Variants in CTNNA3 observed in about 807,000 individuals in gnomAD.
The protein encoded by CTNNA3 is catenin alpha 3, also known as catenin alpha-3.
Under a neutral mutation model 95.7 loss-of-function variants are expected in CTNNA3, and 76 were observed. The ratio of observed to expected loss-of-function variants is 0.79; its 90% CI spans 0.66 to 0.96. The LOEUF (loss-of-function observed/expected upper bound fraction) is 0.96, where lower values mean the gene tolerates loss of function less well. Among genes scored for constraint, CTNNA3 ranks in the 40% least tolerant of loss-of-function variants. CTNNA3 has a pLI of 0.00. For synonymous variants in CTNNA3, 431 were observed against 374.4 expected (o/e 1.15, Z -1.74); for missense variants, 1,191 against 1,089.8 (o/e 1.09, Z -1.31).
intron 1 of CTNNA3, among the ~76,000 whole-genome samples, chr10:67,687,185 C>T (rs1320162721): frequency 6.6e-6 from 1 of 151,812 alleles, no homozygotes; most frequent in African/African-American, 2.4e-5. Flanking sequence ...AATCAATTTC[C>T]TGGCCCTCAA....
At chr10:66,338,154 A>C (rs1376522998) in intron 12 of CTNNA3, among the ~76,000 whole-genome samples, 1 of 152,096 alleles carries the variant, frequency 6.6e-6, no homozygotes, top group African/African-American at 2.4e-5. Context: ...TGCTACACCA[A>C]GGATGGACCT....
At chr10:66,040,925 T>C (rs2133492826) in intron 15 of CTNNA3, among the ~76,000 whole-genome samples, 1 of 152,262 alleles carries the variant, frequency 6.6e-6, no homozygotes, top group African/African-American at 2.4e-5. Context: ...TGCGAAAGTT[T>C]GAGGAGAAAC....
intron 1 of CTNNA3, among the ~76,000 whole-genome samples, chr10:67,726,939 CATAT>C (rs1161840549): frequency 8.9e-6 from 1 of 112,646 alleles, no homozygotes. Context: ...TATCATATAT[CATAT>C]ATATTATATA....
intron 1 of CTNNA3, among the ~76,000 whole-genome samples, chr10:67,735,198 G>C (rs1841296367): frequency 6.6e-6 from 1 of 151,026 alleles, no homozygotes; most frequent in South Asian, 2.1e-4. Context: ...TGATCTTAAT[G>C]TAAGTGTTCT....
chr10:67,447,941 C>A (rs541491723), intron 5 of CTNNA3, among the ~76,000 whole-genome samples: 1 of 152,222 alleles, frequency 6.6e-6, no homozygotes, highest in Admixed American at 6.5e-5. Context: ...AAAAGAGATT[C>A]AAATAAAGTG....
chr10:66,919,910 T>G (rs940870821), intron 7 of CTNNA3, among the ~76,000 whole-genome samples: 1 of 152,234 alleles, frequency 6.6e-6, no homozygotes, highest in Non-Finnish European at 1.5e-5. Context: ...AACATTAAAC[T>G]CTTTACAAAA....
intron 6 of CTNNA3, among the ~76,000 whole-genome samples, chr10:67,191,404 G>C (rs892184210): frequency 6.6e-5 from 10 of 151,826 alleles, no homozygotes; most frequent in African/African-American, 2.4e-4. Context: ...ATCCAATAAA[G>C]TTGCAGGATA....
intron 7 of CTNNA3, among the ~76,000 whole-genome samples, chr10:67,020,986 A>G (rs886620553): frequency 7.9e-5 from 12 of 152,188 alleles, no homozygotes; most frequent in South Asian, 6.2e-4. Flanking sequence ...TTGACTATGG[A>G]AAGTCTGAGA....
intron 12 of CTNNA3, among the ~76,000 whole-genome samples, chr10:66,294,652 C>T (rs537390828): frequency 2.0e-5 from 3 of 152,186 alleles, no homozygotes; most frequent in Admixed American, 2.0e-4. Flanking sequence ...ACATTTGGTA[C>T]TGAGATAGAA....
Position 66,878,824 on chromosome 10 carries a change from T to G in CTNNA3, c.1048-103300A>C, listed in dbSNP as rs181758779. ...GGGACACCTACTGCCAAAATTATTT[T>G]GGATAGAGCCCCCTTTGTGAATAGA... is the stretch of plus-strand genomic sequence containing the variant. On this transcript the variant is annotated intron_variant, in intron 7 of 17. Coordinates refer to ENST00000433211, the MANE Select transcript of CTNNA3 (RefSeq NM_013266.4). 3.9e-5 allele frequency among the ~76,000 whole-genome samples: 6 copies of G among 152,334 alleles called. 1 individual carries two copies. The East Asian group carries it at 1.2e-3, about 29-fold the overall frequency.
At chr10:67,027,179 C>T (rs555491203) in intron 7 of CTNNA3, among the ~76,000 whole-genome samples, 5 of 151,492 alleles carry the variant, frequency 3.3e-5, no homozygotes, top group South Asian at 2.1e-4. Flanking sequence ...GGGAAAGGAG[C>T]GTAGGAAGTA....
intron 7 of CTNNA3, among the ~76,000 whole-genome samples, chr10:66,876,910 C>A (rs910117344): frequency 6.6e-6 from 1 of 152,112 alleles, no homozygotes; most frequent in Non-Finnish European, 1.5e-5. Flanking sequence ...CTGCATAAAC[C>A]TTTGCTTTCC....
At chr10:66,418,084 T>C (rs2093161143) in intron 11 of CTNNA3, among the ~76,000 whole-genome samples, 1 of 149,170 alleles carries the variant, frequency 6.7e-6, no homozygotes, top group South Asian at 2.1e-4. Context: ...CACTAGTTTT[T>C]TGAAAGTATA....
At chr10:66,700,056 C>T (rs1847894778) in intron 9 of CTNNA3, among the ~76,000 whole-genome samples, 1 of 152,018 alleles carries the variant, frequency 6.6e-6, no homozygotes, top group Middle Eastern at 3.4e-3. Context: ...TTATTAACTC[C>T]TTGTCAGATA....
intron 2 of CTNNA3, among the ~76,000 whole-genome samples, chr10:67,613,258 T>C (rs1456184557): frequency 6.6e-6 from 1 of 152,094 alleles, no homozygotes; most frequent in Non-Finnish European, 1.5e-5. Context: ...GCTGTTCACA[T>C]ATTGCCTCCT....
intron 7 of CTNNA3, among the ~76,000 whole-genome samples, chr10:66,982,768 T>C (rs1422971804): frequency 6.6e-6 from 1 of 152,094 alleles, no homozygotes; most frequent in Non-Finnish European, 1.5e-5. Flanking sequence ...GCAAATAGAT[T>C]AAAATGTCAA....
At chr10:67,295,574 T>C (rs905938741) in intron 5 of CTNNA3, among the ~76,000 whole-genome samples, 1 of 152,180 alleles carries the variant, frequency 6.6e-6, no homozygotes, top group African/African-American at 2.4e-5. Flanking sequence ...AATGCAGCTA[T>C]TTAAAGTAAA....
At chr10:67,498,595 C>T (rs1282217970) in intron 5 of CTNNA3, among the ~76,000 whole-genome samples, 1 of 152,124 alleles carries the variant, frequency 6.6e-6, no homozygotes, top group Non-Finnish European at 1.5e-5. Context: ...TTGTTTGTGT[C>T]CTCTCTTATT....
chr10:65,930,151 G>A (rs1218695799), intron 17 of CTNNA3, among the ~76,000 whole-genome samples: 1 of 135,248 alleles, frequency 7.4e-6, no homozygotes, highest in African/African-American at 2.8e-5. Flanking sequence ...TGTGAGGTCA[G>A]CTCGGTTAAT....
Sources: gnomAD v4.1 joint callset for allele counts (sites outside exome capture counted in the v4.1 genomes callset) on GRCh38, gnomAD v4.1.1 for gene constraint, MANE v1.5 for transcripts, NCBI Gene and HGNC (gene_info 2026-07-23, HGNC 2026-07-21) for gene names.